DARS1: variants seen among roughly 807,000 people sequenced by gnomAD.
DARS1 encodes the protein aspartate--tRNA ligase, cytoplasmic.
Under a neutral mutation model 68.8 loss-of-function variants are expected in DARS1, and 51 were observed. That is an observed-to-expected ratio of 0.74 (90% CI 0.59 to 0.94). The LOEUF (loss-of-function observed/expected upper bound fraction) is 0.94, where lower values mean the gene tolerates loss of function less well. Ranked by LOEUF, DARS1 falls within the 40% of genes least tolerant of loss-of-function variation. The pLI, the probability that DARS1 is intolerant of heterozygous loss-of-function variation, is 0.00. For missense variants in DARS1, 607 were observed against 597.3 expected (o/e 1.02, Z -0.17); for synonymous variants, 203 against 190.4 (o/e 1.07, Z -0.55).
At chr2:135,924,905 A>G (rs1433153796) in intron 7 of DARS1, among the ~76,000 whole-genome samples, 2 of 152,220 alleles carry the variant, frequency 1.3e-5, no homozygotes, top group Non-Finnish European at 2.9e-5. Flanking sequence ...TTGACAATAA[A>G]TGAATAAAAA....
intron 4 of DARS1, among the ~76,000 whole-genome samples, 179 bp downstream of exon 4, chr2:135,961,216 GC>G (rs2104833822): frequency 6.6e-6 from 1 of 152,290 alleles, no homozygotes; most frequent in East Asian, 1.9e-4. Flanking sequence ...TCAAGCCTGT[GC>G]TCCATATTTT....
At chr2:135,941,662 A>T (rs1295101547) in intron 5 of DARS1, among the ~76,000 whole-genome samples, 1 of 151,018 alleles carries the variant, frequency 6.6e-6, no homozygotes, top group South Asian at 2.1e-4. Context: ...GACAAATGGG[A>T]TCTAATTAAA....
chr2:135,984,231 G>A (rs550127940), intron 1 of DARS1, among the ~76,000 whole-genome samples: 1 of 152,244 alleles, frequency 6.6e-6, no homozygotes, highest in East Asian at 1.9e-4. Flanking sequence ...GCATAACTCT[G>A]CCACAATGTC....
intron 5 of DARS1, among the ~76,000 whole-genome samples, chr2:135,939,428 G>A (rs1223393202): frequency 6.6e-6 from 1 of 152,184 alleles, no homozygotes; most frequent in East Asian, 1.9e-4. Flanking sequence ...ATAATGAAAT[G>A]AAGGCGGAAA....
chr2:135,959,315 A>C (rs71417583), intron 4 of DARS1, among the ~76,000 whole-genome samples: 1 of 144,540 alleles, frequency 6.9e-6, no homozygotes, highest in African/African-American at 2.6e-5. Flanking sequence ...AATTGCTTGA[A>C]CCGGGTAGGA....
chr2:135,920,392 T>C lies in DARS1; in HGVS notation c.959+61A>G, dbSNP rs1313001730. The stretch of plus-strand genomic sequence containing the variant: ...TTGTATGTTTAAATTGAAGAATTTT[T>C]TTTTTAAAGGGCCCAAACATTTGAA... On this transcript the variant is annotated intron_variant, in intron 10 of 15. Coordinates refer to ENST00000264161, the MANE Select transcript of DARS1 (RefSeq NM_001349.4). 2.7e-6 allele frequency: 4 copies of C among 1,501,610 alleles called. No individual in the cohort carries two copies. In the East Asian group the frequency reaches 9.5e-5, roughly 36 times the overall value. 93.0% of individuals were successfully genotyped at this position (1,501,610 alleles called of 1,614,324 possible). A position where few individuals can be genotyped will look rare whatever the true frequency, so the allele number is the denominator to read the frequency against.
At chr2:135,976,163 C>T (rs1682494196) in intron 3 of DARS1, among the ~76,000 whole-genome samples, 2 of 152,138 alleles carry the variant, frequency 1.3e-5, no homozygotes. Flanking sequence ...TATGAACTCA[C>T]TTTTGTAAAA....
intron 15 of DARS1, among the ~76,000 whole-genome samples, chr2:135,908,143 G>C (rs1211114609): frequency 6.6e-6 from 1 of 152,176 alleles, no homozygotes; most frequent in Non-Finnish European, 1.5e-5. Flanking sequence ...GCTACAATTT[G>C]TGTAAAAATA....
rs748798701 is a variant in DARS1 at position 135,906,227 on chromosome 2, T to A, written c.*1089A>T. 1.3e-5 allele frequency among the ~76,000 whole-genome samples: 2 copies of A among 152,246 alleles called. No individual in the cohort carries two copies. Among genetic ancestry groups the A allele is most frequent in the East Asian group, 1.9e-4 (1 of 5,200 alleles). ...TTTGACCCTCATATTTTTCTGCATG[T>A]AATTTTTTCTTCCTGTACAAAAATA... On this transcript the variant is annotated 3_prime_UTR_variant, in exon 16 of 16. Transcript: ENST00000264161.
chr2:135,984,102 A>G (rs527490266), intron 1 of DARS1, among the ~76,000 whole-genome samples: 14 of 152,360 alleles, frequency 9.2e-5, no homozygotes, highest in African/African-American at 3.4e-4. Flanking sequence ...TAGGAACAGG[A>G]AACAGAAGAC....
chr2:135,945,276 T>C (rs1358945499), intron 4 of DARS1, among the ~76,000 whole-genome samples: 1 of 152,092 alleles, frequency 6.6e-6, no homozygotes, highest in Non-Finnish European at 1.5e-5. Flanking sequence ...TACAGGCATG[T>C]GCCACCATGC....
chr2:135,944,407 C>T (rs1681674233), intron 4 of DARS1, among the ~76,000 whole-genome samples: 1 of 152,080 alleles, frequency 6.6e-6, no homozygotes, highest in Non-Finnish European at 1.5e-5. Flanking sequence ...TGCAATTAGA[C>T]ATTCCAGAAA....
intron 4 of DARS1, among the ~76,000 whole-genome samples, chr2:135,944,397 T>G (rs1297245450): frequency 6.6e-6 from 1 of 152,164 alleles, no homozygotes; most frequent in Non-Finnish European, 1.5e-5. Context: ...GTAGTTGTGG[T>G]GCAATTAGAC....
At chr2:135,920,322 ATCT>A in intron 10 of DARS1, 128 bp downstream of exon 10, 1 of 1,361,504 alleles carries the variant, frequency 7.3e-7, no homozygotes, top group South Asian at 1.6e-5. Context: ...TAAATGGATC[ATCT>A]AACTGGTAAA....
chr2:135,985,107 C>G, intron 1 of DARS1: 3 of 493,292 alleles, frequency 6.1e-6, no homozygotes, highest in Non-Finnish European at 1.1e-5. Flanking sequence ...CCCAGAGAGA[C>G]TCAAGTGTGA....
chr2:135,913,374 C>T (rs566360397), intron 12 of DARS1, among the ~76,000 whole-genome samples: 1 of 152,184 alleles, frequency 6.6e-6, no homozygotes, highest in East Asian at 1.9e-4. Context: ...AATGCTACAA[C>T]TGAAAGAAAT....
At chr2:135,955,034 C>T (rs1296124430) in intron 4 of DARS1, among the ~76,000 whole-genome samples, 1 of 150,874 alleles carries the variant, frequency 6.6e-6, no homozygotes, top group Non-Finnish European at 1.5e-5. Context: ...GTCTTGTTAA[C>T]AGTAGGGATA....
chr2:135,973,164 A>G (rs1342189768), intron 3 of DARS1, among the ~76,000 whole-genome samples: 1 of 152,220 alleles, frequency 6.6e-6, no homozygotes, highest in African/African-American at 2.4e-5. Flanking sequence ...AATATTTGGA[A>G]GCAACCTAAG....
Position 135,950,229 on chromosome 2 carries a change from G to A in DARS1, c.321-6749C>T, listed in dbSNP as rs546916274. On this transcript the variant is annotated intron_variant, in intron 4 of 15. Transcript: ENST00000264161. ...GGGCAGTAACATTCAAAATGGAAAC[G>A]AAACATCTTGAAAATAAACAAATAG... 2.0e-4 allele frequency among the ~76,000 whole-genome samples: 31 copies of A among 152,228 alleles called. 1 individual carries two copies. In the South Asian group the frequency reaches 2.1e-3, roughly 10 times the overall value.
Sources: gnomAD v4.1 joint callset for allele counts (sites outside exome capture counted in the v4.1 genomes callset) on GRCh38, gnomAD v4.1.1 for gene constraint, MANE v1.5 for transcripts, NCBI Gene and HGNC (gene_info 2026-07-23, HGNC 2026-07-21) for gene names.